The following TRIM14 variants were observed in gnomAD, a reference collection of about 807,000 sequenced individuals.
TRIM14 encodes the protein tripartite motif-containing protein 14.
In TRIM14, 28 loss-of-function variants were observed where a neutral mutation model predicts 44.5. The ratio of observed to expected loss-of-function variants is 0.63; its 90% CI spans 0.47 to 0.86. The LOEUF (loss-of-function observed/expected upper bound fraction) is 0.86, where lower values mean the gene tolerates loss of function less well. TRIM14 is among the 40% of genes least tolerant of loss of function. TRIM14 has a pLI of 0.00. For missense variants in TRIM14, 607 were observed against 611.1 expected (o/e 0.99, Z 0.07); for synonymous variants, 299 against 269.2 (o/e 1.11, Z -1.08).
In TRIM14 at chr9:98,095,372, C is replaced by G. The variant is rs1338624234; in HGVS notation, c.538-343G>C. 6.6e-6 allele frequency among the ~76,000 whole-genome samples: 1 copy of G among 152,256 alleles called. No homozygotes were observed. Among genetic ancestry groups the G allele is most frequent in the African/African-American group, 2.4e-5 (1 of 41,466 alleles). On this transcript the variant is annotated intron_variant, in intron 3 of 5. Coordinates refer to ENST00000341469, the MANE Select transcript of TRIM14 (RefSeq NM_014788.4). The surrounding 1 kb of genome is among the most constrained non-coding windows in gnomAD (Gnocchi z 4.1). ...AGGGTCAGGCTGACACGGGGCCCTTCCCAGAGAGGCTTCAGCCTCACACAC... is the reference window on the plus strand; with the variant it reads ...AGGGTCAGGCTGACACGGGGCCCTTGCCAGAGAGGCTTCAGCCTCACACAC...
At chr9:98,038,878 G>C in the TRIM14 span, among the ~76,000 whole-genome samples, 2 of 151,798 alleles carry the variant, frequency 1.3e-5, no homozygotes, top group South Asian at 4.2e-4. Context: ...GTGAAACCCC[G>C]CCTCTACTAA....
downstream of TRIM14, among the ~76,000 whole-genome samples, chr9:98,084,085 G>A (rs1030617552): frequency 2.0e-5 from 3 of 150,660 alleles, no homozygotes; most frequent in Admixed American, 6.6e-5. Flanking sequence ...ATGAACTGGA[G>A]GGAGCTGTGA....
chr9:98,106,383 C>T (rs1826610579), intron 2 of TRIM14, among the ~76,000 whole-genome samples: 1 of 152,172 alleles, frequency 6.6e-6, no homozygotes. Context: ...AATATAAATG[C>T]TCACAGGAGC....
At chr9:98,055,096 T>G in the TRIM14 span, among the ~76,000 whole-genome samples, 3 of 152,190 alleles carry the variant, frequency 2.0e-5, no homozygotes, top group Admixed American at 1.3e-4. Context: ...CTCAGCTCAC[T>G]GCAACCTCCG....
At chr9:98,099,890 G>A (rs898795995) in intron 3 of TRIM14, 41 bp downstream of exon 3, 1 of 1,557,030 alleles carries the variant, frequency 6.4e-7, no homozygotes, top group South Asian at 1.1e-5. Context: ...TGAAGTGTGG[G>A]TGGCAGGTGG....
downstream of TRIM14, among the ~76,000 whole-genome samples, chr9:98,067,609 A>AT (rs1249731979): frequency 6.6e-6 from 1 of 151,944 alleles, no homozygotes; most frequent in Non-Finnish European, 1.5e-5. Flanking sequence ...AAATTTAATT[A>AT]TTTTTTCATG....
intron 1 of TRIM14, among the ~76,000 whole-genome samples, chr9:98,110,713 T>G (rs961096547): frequency 5.3e-5 from 8 of 151,926 alleles, no homozygotes; most frequent in Admixed American, 5.3e-4. Context: ...TGAACAGAAT[T>G]ATCAGGGGCT....
At chr9:98,111,205 T>C (rs1348317672) in intron 1 of TRIM14, among the ~76,000 whole-genome samples, 1 of 152,060 alleles carries the variant, frequency 6.6e-6, no homozygotes, top group Non-Finnish European at 1.5e-5. Context: ...GATGGATGAA[T>C]GAATAATGGG....
At chr9:98,051,165 T>C in the TRIM14 span, among the ~76,000 whole-genome samples, 2,156 of 152,256 alleles carry the variant, frequency 0.014, 30 homozygotes, top group Non-Finnish European at 0.022. Flanking sequence ...CTTAAAACCT[T>C]TGAGAGAATA....
chr9:98,049,381 T>C, the TRIM14 span, among the ~76,000 whole-genome samples: 15 of 141,890 alleles, frequency 1.1e-4, no homozygotes, highest in South Asian at 2.4e-4. Context: ...GACTATTCCA[T>C]ATGCAGAGCA....
At chr9:98,108,644 C>G (rs1253614487) in intron 2 of TRIM14, among the ~76,000 whole-genome samples, 2 of 151,898 alleles carry the variant, frequency 1.3e-5, no homozygotes, top group Non-Finnish European at 2.9e-5. Context: ...TATCTCCTAG[C>G]CCAGAGTTCT....
chr9:98,099,947 G>A lies in TRIM14; in HGVS notation c.521C>T (p.Pro174Leu), dbSNP rs1323391671. 4 of 1,613,332 alleles carry A rather than the reference G, an allele frequency of 2.5e-6. No homozygotes were observed. Among genetic ancestry groups the A allele is most frequent in the Non-Finnish European group, 3.4e-6 (4 of 1,180,006 alleles). ...RVWSISQEPD[P>L]VQRLQAYTAT... The stretch of plus-strand genomic sequence containing the variant: ...CAGCATTACCTGAAGCCTCTGGACA[G>A]GATCGGGCTCCTGGCTGATACTCCA... Residue 174 changes from proline (P) to leucine (L), a missense_variant, in exon 3 of 6, where the codon CCT becomes CTT. Transcript: ENST00000341469.
chr9:98,081,223 T>C, downstream of TRIM14: 3 of 1,072,004 alleles, frequency 2.8e-6, no homozygotes, highest in East Asian at 2.5e-5. Flanking sequence ...CCGTGTCAGC[T>C]TCTTCAGGCT....
the TRIM14 span, among the ~76,000 whole-genome samples, chr9:98,043,147 C>A: frequency 1.3e-5 from 2 of 151,050 alleles, no homozygotes; most frequent in African/African-American, 4.9e-5. Context: ...TTTCTTTACT[C>A]TAGGGAATTG....
chr9:98,089,333 C>T (rs967281454), intron 5 of TRIM14, among the ~76,000 whole-genome samples: 1 of 152,042 alleles, frequency 6.6e-6, no homozygotes, highest in African/African-American at 2.4e-5. Flanking sequence ...CCTGCCACCA[C>T]GCCTGGCTAA....
the TRIM14 span, among the ~76,000 whole-genome samples, chr9:98,043,765 C>A: frequency 6.6e-6 from 1 of 150,418 alleles, no homozygotes; most frequent in African/African-American, 2.4e-5. Context: ...TGGTTTTTAT[C>A]TCAGTAGAAA....
chr9:98,039,400 C>T, the TRIM14 span, among the ~76,000 whole-genome samples: 468 of 152,228 alleles, frequency 3.1e-3, no homozygotes, highest in African/African-American at 0.01. Context: ...CATTCCTGGG[C>T]GTAGGCTGAA....
At chr9:98,109,713 T>C (rs1259839431) in intron 2 of TRIM14, among the ~76,000 whole-genome samples, 176 bp downstream of exon 2, 2 of 152,138 alleles carry the variant, frequency 1.3e-5, no homozygotes, top group African/African-American at 4.8e-5. Flanking sequence ...GCACCTAATT[T>C]TGTCTGTAAT....
downstream of TRIM14, among the ~76,000 whole-genome samples, chr9:98,064,845 C>T (rs972058371): frequency 1.3e-5 from 2 of 152,180 alleles, no homozygotes; most frequent in Non-Finnish European, 2.9e-5. Context: ...GGAGAGTCTC[C>T]GCATGCACCA....
Sources: gnomAD v4.1 joint callset for allele counts (sites outside exome capture counted in the v4.1 genomes callset) on GRCh38, gnomAD v4.1.1 for gene constraint, Gnocchi (gnomAD v3.1) non-coding constraint, MANE v1.5 for transcripts, NCBI Gene and HGNC (gene_info 2026-07-23, HGNC 2026-07-21) for gene names.